Variants in MAN1C1 observed in about 807,000 individuals in gnomAD.
The protein encoded by MAN1C1 is mannosidase alpha class 1C member 1.
Under a neutral mutation model 71.5 loss-of-function variants are expected in MAN1C1, and 49 were observed. The observed-to-expected ratio is 0.69, with a 90% CI of 0.54 to 0.87. MAN1C1 has a LOEUF of 0.87. MAN1C1 is among the 40% of genes least tolerant of loss of function. The pLI, the probability that MAN1C1 is intolerant of heterozygous loss-of-function variation, is 0.00. For missense variants in MAN1C1, 743 were observed against 835.0 expected (o/e 0.89, Z 1.36); for synonymous variants, 352 against 343.7 (o/e 1.02, Z -0.27).
At chr1:25,644,518 A>ATATATATATATATATATATATTTTTTTTT (rs61386117) in intron 1 of MAN1C1, 1 of 40,290 alleles carries the variant, frequency 2.5e-5, no homozygotes, top group African/African-American at 1.9e-4. Context: ...ATATATATAT[A>ATATATATATATATATATATATTTTTTTTT]TTTTTTTTTT....
Position 25,782,760 on chromosome 1 carries a change from C to T in MAN1C1, c.1766+60C>T. 2 of 1,217,980 alleles carry T rather than the reference C, an allele frequency of 1.6e-6. No homozygotes were observed. The highest frequency in any genetic ancestry group is 2.3e-5 in the East Asian group (1 of 42,838). 75.4% of individuals were successfully genotyped at this position (1,217,980 alleles called of 1,614,324 possible). A position where few individuals can be genotyped will look rare whatever the true frequency, so the allele number is the denominator to read the frequency against. On this transcript the variant is annotated intron_variant, in intron 11 of 11. Coordinates refer to ENST00000374332, the MANE Select transcript of MAN1C1 (RefSeq NM_020379.4). This position sits in a 1 kb window ranked among gnomAD's most constrained non-coding sequence, Gnocchi z 4.4. ...GTGGGAGGTTGAGGGTAGGGGTCCG[C>T]AGTCCCTCCCCTCCACAGTCAGGTT... is the stretch of plus-strand genomic sequence containing the variant.
intron 2 of MAN1C1, among the ~76,000 whole-genome samples, chr1:25,698,088 G>A (rs1339984684): frequency 6.6e-6 from 1 of 152,196 alleles, no homozygotes. Flanking sequence ...TGCCTCAAGT[G>A]CTTCTTGCAG....
chr1:25,781,069 C>T lies in MAN1C1; in HGVS notation c.1607C>T (p.Thr536Ile). The change falls in exon 10 of 12, where the codon ACC becomes ATC. Residue 536 changes from threonine to isoleucine, a missense_variant. Coordinates refer to ENST00000374332, the MANE Select transcript of MAN1C1 (RefSeq NM_020379.4). ...AGCTACATGTACCTGTGGCGACAGA[C>T]CCACAACCCCATCTACAGGGAGTGG... is the stretch of plus-strand genomic sequence containing the variant. ...VESYMYLWRQ[T>I]HNPIYREWGW... 4 of 1,614,094 alleles carry T rather than the reference C, an allele frequency of 2.5e-6. No individual in the cohort carries two copies. The South Asian group carries it at 4.4e-5, about 18-fold the overall frequency.
chr1:25,721,944 C>G (rs1208643523), intron 2 of MAN1C1, among the ~76,000 whole-genome samples: 1 of 152,186 alleles, frequency 6.6e-6, no homozygotes, highest in African/African-American at 2.4e-5. Flanking sequence ...TTGGTCAGCA[C>G]CATCCAGTAG....
chr1:25,710,850 C>A (rs2124247595), intron 2 of MAN1C1, among the ~76,000 whole-genome samples: 1 of 152,278 alleles, frequency 6.6e-6, no homozygotes, highest in Admixed American at 6.5e-5. Flanking sequence ...TGATGGGACC[C>A]TGGGTGAGTG....
intron 2 of MAN1C1, among the ~76,000 whole-genome samples, chr1:25,691,088 G>A (rs756934171): frequency 3.5e-4 from 53 of 152,284 alleles, no homozygotes; most frequent in Admixed American, 4.6e-4. Flanking sequence ...AGGCCGAGGC[G>A]GGTGGATCAC....
chr1:25,746,930 G>A lies in MAN1C1; in HGVS notation c.753+147G>A, dbSNP rs529569368. 46 of 624,182 alleles carry A rather than the reference G, an allele frequency of 7.4e-5. No individual in the cohort carries two copies. The highest frequency in any genetic ancestry group is 2.2e-4 in the South Asian group (11 of 51,126). The allele number at this position is 624,182 out of a possible 1,614,324, so 38.7% of individuals were successfully genotyped here. A position where few individuals can be genotyped will look rare whatever the true frequency, so the allele number is the denominator to read the frequency against. ...CAGCAGTCTCGGAACCGGAGCTGCC[G>A]TGCAGTCTGTGCTGAGTCCCTTCCT... On this transcript the variant is annotated intron_variant, in intron 3 of 11. Coordinates refer to ENST00000374332, the MANE Select transcript of MAN1C1 (RefSeq NM_020379.4). The surrounding 1 kb of genome is among the most constrained non-coding windows in gnomAD (Gnocchi z 4.0).
At chr1:25,729,276 C>T (rs1244216709) in intron 2 of MAN1C1, among the ~76,000 whole-genome samples, 1 of 152,214 alleles carries the variant, frequency 6.6e-6, no homozygotes, top group African/African-American at 2.4e-5. Context: ...GAATGTCCCC[C>T]CTGTTGCTCT....
chr1:25,655,738 C>T (rs543182823), intron 1 of MAN1C1, among the ~76,000 whole-genome samples: 156 of 152,178 alleles, frequency 1.0e-3, no homozygotes, highest in African/African-American at 3.2e-3. Context: ...TTTTTTCCTC[C>T]GGAAAAAGAT....
At chr1:25,780,831 C>G in intron 9 of MAN1C1, 109 bp from the exon 10 acceptor site, 2 of 1,204,194 alleles carry the variant, frequency 1.7e-6, no homozygotes, top group Non-Finnish European at 2.4e-6. Context: ...CCCACACACA[C>G]CTGACATCAC....
chr1:25,767,235 A>ACACCCACC (rs2047441765), intron 7 of MAN1C1, among the ~76,000 whole-genome samples: 1 of 100,728 alleles, frequency 9.9e-6, no homozygotes, highest in African/African-American at 4.1e-5. Flanking sequence ...ACACACCCAC[A>ACACCCACC]CTCCCCTCAC....
At chr1:25,747,604 G>C (rs1218575277) in intron 3 of MAN1C1, among the ~76,000 whole-genome samples, 1 of 152,178 alleles carries the variant, frequency 6.6e-6, no homozygotes, top group African/African-American at 2.4e-5. Flanking sequence ...GCTCCTGGCA[G>C]CAGCGAGGAC....
At chr1:25,737,525 C>A (rs1030030493) in intron 2 of MAN1C1, among the ~76,000 whole-genome samples, 3 of 152,146 alleles carry the variant, frequency 2.0e-5, no homozygotes, top group African/African-American at 7.2e-5. Context: ...TTCCAATCGC[C>A]ATTCATTCAT....
rs146566577 is a variant in MAN1C1 at position 25,746,166 on chromosome 1, G to A, written c.638-502G>A. Among the ~76,000 whole-genome samples the A allele has an allele frequency of 7.3e-3, 1,104 of 152,160 alleles. 13 individuals carry two copies. The highest frequency in any genetic ancestry group is 9.6e-3 in the Non-Finnish European group (655 of 68,008). On this transcript the variant is annotated intron_variant, in intron 2 of 11. Transcript: ENST00000374332. The surrounding 1 kb of genome is among the most constrained non-coding windows in gnomAD (Gnocchi z 4.0). ...CTAAAAATACAAAAATTATCTGGGCGTGGTGGTGGACACCTGTGGTCCCAG... is the reference window on the plus strand; with the variant it reads ...CTAAAAATACAAAAATTATCTGGGCATGGTGGTGGACACCTGTGGTCCCAG...
chr1:25,669,031 A>G (rs545767839), intron 1 of MAN1C1, among the ~76,000 whole-genome samples: 8 of 152,346 alleles, frequency 5.3e-5, no homozygotes, highest in Admixed American at 1.3e-4. Context: ...GTGAGCCACC[A>G]TCACCCATAG....
chr1:25,734,006 A>C (rs927932780), intron 2 of MAN1C1, among the ~76,000 whole-genome samples: 8 of 151,748 alleles, frequency 5.3e-5, no homozygotes, highest in Non-Finnish European at 7.4e-5. Flanking sequence ...TCACCGTGTT[A>C]GCCAGGATGG....
chr1:25,649,510 C>G (rs2045660321), intron 1 of MAN1C1, among the ~76,000 whole-genome samples: 1 of 152,216 alleles, frequency 6.6e-6, no homozygotes, highest in Non-Finnish European at 1.5e-5. Context: ...CTGAGCCTTT[C>G]TGTGGGCAAT....
In MAN1C1 at chr1:25,624,998, A is replaced by ATTTTT. The variant is rs1032269792; in HGVS notation, c.540+6682_540+6686dup. On this transcript the variant is annotated intron_variant, in intron 1 of 11. Coordinates refer to ENST00000374332, the MANE Select transcript of MAN1C1 (RefSeq NM_020379.4). ...TTAATACATATAGCGAAATGCACAG[A>ATTTTT]TTTTTTTTTTTTTTTTTTTTTTTTT... Among the ~76,000 whole-genome samples, 103 of 101,570 alleles carry ATTTTT rather than the reference A, an allele frequency of 1.0e-3. 1 individual carries two copies. Among genetic ancestry groups the ATTTTT allele is most frequent in the Middle Eastern group, 7.2e-3 (1 of 138 alleles). 66.6% of individuals were successfully genotyped at this position (101,570 alleles called of 152,430 possible). A position where few individuals can be genotyped will look rare whatever the true frequency, so the allele number is the denominator to read the frequency against.
At chr1:25,691,945 G>T (rs545644329) in intron 2 of MAN1C1, among the ~76,000 whole-genome samples, 6 of 152,242 alleles carry the variant, frequency 3.9e-5, no homozygotes, top group Admixed American at 3.9e-4. Flanking sequence ...TGTGTAGTCC[G>T]TGAGAAATTC....
Sources: gnomAD v4.1 joint callset for allele counts (sites outside exome capture counted in the v4.1 genomes callset) on GRCh38, gnomAD v4.1.1 for gene constraint, Gnocchi (gnomAD v3.1) non-coding constraint, MANE v1.5 for transcripts, NCBI Gene and HGNC (gene_info 2026-07-23, HGNC 2026-07-21) for gene names.